TJP1: variants seen among roughly 807,000 people sequenced by gnomAD.
The protein encoded by TJP1 is tight junction protein 1, also known as tight junction protein ZO-1.
Under a neutral mutation model 194.2 loss-of-function variants are expected in TJP1, and 43 were observed. That is an observed-to-expected ratio of 0.22 (90% CI 0.17 to 0.29). The LOEUF is 0.29. Ranked by LOEUF, TJP1 falls within the 10% of genes least tolerant of loss-of-function variation. The pLI is 1.00. For missense variants in TJP1, 1,971 were observed against 2,185.7 expected, an observed-to-expected ratio of 0.90 and a Z score of 1.96; for synonymous variants, 801 against 779.0, an observed-to-expected ratio of 1.03 and a Z score of -0.47.
chr15:29,788,611 T>C (rs2099270183), intron 2 of TJP1, among the ~76,000 whole-genome samples: 3 of 152,220 alleles, frequency 2.0e-5, no homozygotes, highest in Non-Finnish European at 4.4e-5. Flanking sequence ...TTACCTCTTA[T>C]GCAATCACCT....
At chr15:29,750,434 C>T (rs532666806) in intron 8 of TJP1, among the ~76,000 whole-genome samples, 7 of 152,304 alleles carry the variant, frequency 4.6e-5, no homozygotes, top group South Asian at 2.1e-4. Context: ...CCACTGCGCC[C>T]AGCCCTATCC....
chr15:29,759,879 T>C (rs2045887417), intron 8 of TJP1: 1 of 273,796 alleles, frequency 3.7e-6, no homozygotes, highest in Non-Finnish European at 6.8e-6. Context: ...GACATTCAGG[T>C]TGACTCCATA....
chr15:29,822,970 G>A (rs2050521467), upstream of TJP1: 1 of 152,240 alleles, frequency 6.6e-6, no homozygotes, highest in Non-Finnish European at 1.5e-5. Context: ...TCTCCGAGGA[G>A]CTCCGGCAGG....
At chr15:29,721,745 A>G (rs780944054) in intron 18 of TJP1, among the ~76,000 whole-genome samples, 1 of 152,246 alleles carries the variant, frequency 6.6e-6, no homozygotes, top group Non-Finnish European at 1.5e-5. Context: ...GGTTTTGACC[A>G]AAATGCTAAT....
chr15:29,764,209 TA>T (rs2046189410), intron 5 of TJP1, among the ~76,000 whole-genome samples: 1 of 152,132 alleles, frequency 6.6e-6, no homozygotes, highest in African/African-American at 2.4e-5. Flanking sequence ...CTTCACTTAC[TA>T]GGGGGAAGGA....
At chr15:29,838,722 G>T (rs2051119927) in intron 2 of TJP1, among the ~76,000 whole-genome samples, 1 of 151,868 alleles carries the variant, frequency 6.6e-6, no homozygotes, top group Non-Finnish European at 1.5e-5. Context: ...ATTTAACTAT[G>T]CCTTCACCAC....
intron 2 of TJP1, among the ~76,000 whole-genome samples, chr15:29,850,667 T>G (rs1330314136): frequency 6.6e-6 from 1 of 151,918 alleles, no homozygotes; most frequent in Non-Finnish European, 1.5e-5. Context: ...CCAACTTTTG[T>G]TATATAGCAA....
At chr15:29,896,633 T>C (rs1212062474) in intron 2 of TJP1, among the ~76,000 whole-genome samples, 1 of 152,212 alleles carries the variant, frequency 6.6e-6, no homozygotes, top group Non-Finnish European at 1.5e-5. Flanking sequence ...AGTTTGGAAC[T>C]TCCTAGAGAC....
intron 2 of TJP1, 192 bp downstream of exon 2, chr15:29,800,454 G>GAT: frequency 3.4e-6 from 2 of 582,350 alleles, no homozygotes; most frequent in Non-Finnish European, 6.0e-6. Context: ...TACTCAAAAG[G>GAT]ATATATGAAA....
chr15:29,725,014 T>C (rs2043156964), intron 18 of TJP1, among the ~76,000 whole-genome samples: 1 of 152,242 alleles, frequency 6.6e-6, no homozygotes, highest in South Asian at 2.1e-4. Context: ...TTTTAAGAAT[T>C]CACTAGTGAA....
chr15:29,825,851 T>G (rs1325664422), upstream of TJP1, among the ~76,000 whole-genome samples: 4 of 152,136 alleles, frequency 2.6e-5, no homozygotes. Context: ...TTCTACAAAT[T>G]GTTACAGAAT....
chr15:29,743,722 G>A lies in TJP1; in HGVS notation c.1011-941C>T, dbSNP rs562916332. 5.3e-5 allele frequency among the ~76,000 whole-genome samples: 8 copies of A among 152,172 alleles called. No individual in the cohort carries two copies. The South Asian group carries it at 1.2e-3, about 24-fold the overall frequency. On this transcript the variant is annotated intron_variant, in intron 8 of 27. Transcript: ENST00000614355. ...AGCCTAGGCAACAGAACAAGACTCC[G>A]TCTCTTTGAAAAAGAAAAAAAGAAC...
intron 18 of TJP1, among the ~76,000 whole-genome samples, chr15:29,721,195 G>A (rs60681790): frequency 0.032 from 4,927 of 152,254 alleles, 275 homozygotes; most frequent in African/African-American, 0.11. Flanking sequence ...CAACTGATAT[G>A]GTTTGGATTT....
At position 29,923,763 on chromosome 15, in the gene TJP1, A is replaced by G. The variant is rs536962998; in HGVS notation, c.306+32469T>C. Among the ~76,000 whole-genome samples the G allele has an allele frequency of 3.3e-5, 5 of 152,338 alleles. No homozygotes were observed. The South Asian group carries it at 1.0e-3, about 32-fold the overall frequency. ...GTATATTCAACTCTGTGAATATAAT[A>G]CAAGCCACTGAATTGTACACTTTAA... On this transcript the variant is annotated intron_variant, in intron 2 of 28. Coordinates refer to the TJP1 transcript ENST00000356107.
intron 2 of TJP1, among the ~76,000 whole-genome samples, chr15:29,853,030 C>T (rs2051705831): frequency 6.6e-6 from 1 of 152,158 alleles, no homozygotes; most frequent in Non-Finnish European, 1.5e-5. Flanking sequence ...AATGGTTAAA[C>T]TGTGGTATTC....
chr15:29,926,240 T>G (rs914346247), intron 2 of TJP1, among the ~76,000 whole-genome samples: 1 of 152,234 alleles, frequency 6.6e-6, no homozygotes, highest in Non-Finnish European at 1.5e-5. Context: ...AGAGCTTTAC[T>G]GCATAATCTT....
chr15:29,771,951 T>G (rs1374381148), intron 4 of TJP1, 113 bp downstream of exon 4: 1 of 652,828 alleles, frequency 1.5e-6, no homozygotes, highest in Non-Finnish European at 2.6e-6. Flanking sequence ...ACAAATAACT[T>G]TGGAACTATT....
chr15:29,875,337 C>T (rs2052660367), intron 2 of TJP1, among the ~76,000 whole-genome samples: 1 of 152,182 alleles, frequency 6.6e-6, no homozygotes, highest in South Asian at 2.1e-4. Context: ...ACCTTGTTTT[C>T]ATTGGTTTTA....
At chr15:29,751,311 ATG>A (rs1349832175) in intron 8 of TJP1, among the ~76,000 whole-genome samples, 6 of 152,346 alleles carry the variant, frequency 3.9e-5, no homozygotes, top group African/African-American at 1.4e-4. Flanking sequence ...TGTCCTTTAC[ATG>A]TAATCTGCTT....
Sources: allele counts gnomAD v4.1 joint callset (sites outside exome capture counted in the v4.1 genomes callset), GRCh38; gene constraint gnomAD v4.1.1; transcripts MANE v1.5; gene names NCBI Gene and HGNC (gene_info 2026-07-23, HGNC 2026-07-21).